The following LRRC49 variants were observed in gnomAD, a reference collection of about 807,000 sequenced individuals.
LRRC49 encodes the protein leucine-rich repeat-containing protein 49.
A neutral mutation model predicts 83.3 loss-of-function variants in LRRC49; 50 were observed. The ratio of observed to expected loss-of-function variants is 0.60; its 90% confidence interval spans 0.48 to 0.76. The LOEUF is 0.76. LRRC49 is among the 30% of genes least tolerant of loss of function. LRRC49 has a pLI of 0.00. For missense variants in LRRC49, 704 were observed against 809.1 expected, an observed-to-expected ratio of 0.87 and a Z score of 1.58; for synonymous variants, 286 against 283.3, an observed-to-expected ratio of 1.01 and a Z score of -0.10.
chr15:70,904,019 G>A (rs980191591), intron 4 of LRRC49, among the ~76,000 whole-genome samples: 1 of 151,990 alleles, frequency 6.6e-6, no homozygotes, highest in African/African-American at 2.4e-5. Flanking sequence ...TGGATCTCAG[G>A]TTGAATTTTT....
chr15:70,943,663 A>G (rs2035903091), intron 8 of LRRC49, among the ~76,000 whole-genome samples: 2 of 152,198 alleles, frequency 1.3e-5, no homozygotes, highest in Admixed American at 1.3e-4. Context: ...AACTGTTCCT[A>G]GAAGGTCATA....
chr15:70,882,326 T>C, intron 2 of LRRC49: 1 of 870,320 alleles, frequency 1.1e-6, no homozygotes, highest in South Asian at 1.9e-5. Context: ...GCCTTAGAGC[T>C]AAACAAATTA....
rs748357351 is a variant in LRRC49, at chr15:70,936,745, G to C, written c.712-16G>C. 3 of 1,566,096 alleles carry C rather than the reference G, an allele frequency of 1.9e-6. No individual in the cohort carries two copies. ...TTCTTTCATCTGATTAAGTTTTGCT[G>C]TCTATTTTCTTCCAGAGAGATGTGG... On this transcript the variant is annotated splice_polypyrimidine_tract_variant and intron_variant, in intron 7 of 15. Transcript: ENST00000260382.
chr15:70,926,529 T>G (rs2035205365), intron 7 of LRRC49, among the ~76,000 whole-genome samples: 1 of 152,162 alleles, frequency 6.6e-6, no homozygotes, highest in Admixed American at 6.5e-5. Context: ...TTTTTTATTT[T>G]TATTATACTT....
Position 70,996,128 on chromosome 15 carries a change from C to T in LRRC49, c.1169+11871C>T, listed in dbSNP as rs146486802. Among the ~76,000 whole-genome samples, 1,109 of 151,658 alleles carry T rather than the reference C, an allele frequency of 7.3e-3. 13 individuals carry two copies. The highest frequency in any genetic ancestry group is 0.026 in the African/African-American group (1,059 of 41,318). On this transcript the variant is annotated intron_variant, in intron 11 of 15. Transcript: ENST00000260382. ...CTTTTTTTAATGACCGGAAAACTAG[C>T]AAGTTGAGTAGCCACAGAAGATATT...
rs546274176 is a variant in LRRC49 at position 71,049,557 on chromosome 15, G to A, written c.2006G>A (p.Arg669His). 60 of 1,613,888 alleles carry A rather than the reference G, an allele frequency of 3.7e-5. No individual in the cohort carries two copies. Among genetic ancestry groups the A allele is most frequent in the Middle Eastern group, 3.3e-4 (2 of 6,060 alleles). Residue 669 changes from arginine (R) to histidine (H), a missense_variant, in exon 16 of 16, where the codon CGC (arginine) becomes CAC (histidine). This residue lies in a region of LRRC49 where 275 missense variants were observed against 338.0 expected (regional missense o/e 0.81). Coordinates refer to ENST00000260382, the MANE Select transcript of LRRC49 (RefSeq NM_017691.5). ...ELVRDAVIEI[R>H]NKNSYMKLCL... ...GTTAGGGATGCAGTCATAGAAATTC[G>A]CAATAAAAATTCCTATATGAAGCTC...
intron 15 of LRRC49, among the ~76,000 whole-genome samples, chr15:71,042,054 G>A (rs1354631234): frequency 6.6e-6 from 1 of 152,130 alleles, no homozygotes; most frequent in Non-Finnish European, 1.5e-5. Flanking sequence ...TTAATAAGAA[G>A]AGAAAATCTT....
intron 5 of LRRC49, among the ~76,000 whole-genome samples, chr15:70,909,879 A>ACACACACAC (rs765588937): frequency 0.013 from 1,019 of 76,934 alleles, 7 homozygotes; most frequent in Middle Eastern, 0.019. Context: ...CACACACACA[A>ACACACACAC]AACAAACAAA....
chr15:70,987,560 A>G (rs1361827315), intron 11 of LRRC49, among the ~76,000 whole-genome samples: 2 of 151,700 alleles, frequency 1.3e-5, no homozygotes, highest in Non-Finnish European at 1.5e-5. Context: ...CGGTCTATCA[A>G]TTTTGTTGAT....
At chr15:70,896,731 G>GT (rs1163614947) in intron 3 of LRRC49, among the ~76,000 whole-genome samples, 3 of 152,136 alleles carry the variant, frequency 2.0e-5, no homozygotes, top group African/African-American at 7.2e-5. Context: ...GGGCTGATCA[G>GT]TATAGGCCTT....
chr15:70,939,904 TTGTTAGTACATA>T (rs1345967584), intron 8 of LRRC49, among the ~76,000 whole-genome samples: 1 of 151,442 alleles, frequency 6.6e-6, no homozygotes, highest in Non-Finnish European at 1.5e-5. Context: ...CTAATGACCT[TTGTTAGTACATA>T]TGTTAGTACA....
At chr15:71,009,567 G>A (rs2038580464) in intron 12 of LRRC49, 1 of 349,600 alleles carries the variant, frequency 2.9e-6, no homozygotes, top group African/African-American at 2.1e-5. Flanking sequence ...AAGTGAGACT[G>A]TCATTTGTAG....
At chr15:70,866,640 CA>C (rs1161658411) in intron 1 of LRRC49, among the ~76,000 whole-genome samples, 1 of 152,116 alleles carries the variant, frequency 6.6e-6, no homozygotes, top group African/African-American at 2.4e-5. Flanking sequence ...TCTAAGTCCT[CA>C]GGGTCTTCAT....
At chr15:70,858,115 T>A (rs1205839850) in intron 1 of LRRC49, among the ~76,000 whole-genome samples, 1 of 152,212 alleles carries the variant, frequency 6.6e-6, no homozygotes, top group Non-Finnish European at 1.5e-5. Flanking sequence ...TTGCTGAGTA[T>A]GTATATTGCT....
At chr15:70,912,665 T>TTTTATTTA (rs563678548) in intron 6 of LRRC49, among the ~76,000 whole-genome samples, 27 of 151,476 alleles carry the variant, frequency 1.8e-4, no homozygotes, top group African/African-American at 6.0e-4. Context: ...TCTATATTTA[T>TTTTATTTA]TTTATTTATT....
chr15:70,954,202 C>T (rs2036318785), intron 8 of LRRC49, among the ~76,000 whole-genome samples: 1 of 152,166 alleles, frequency 6.6e-6, no homozygotes, highest in East Asian at 1.9e-4. Context: ...GCCAAGCTGC[C>T]AGATTCTTTT....
chr15:71,046,151 A>G (rs559986956), intron 15 of LRRC49, among the ~76,000 whole-genome samples: 39 of 152,304 alleles, frequency 2.6e-4, no homozygotes, highest in Admixed American at 2.2e-3. Flanking sequence ...TAGTGTAGCA[A>G]TGAACATATG....
intron 11 of LRRC49, among the ~76,000 whole-genome samples, chr15:70,993,435 C>G (rs1466008374): frequency 2.6e-5 from 4 of 152,178 alleles, no homozygotes; most frequent in Non-Finnish European, 4.4e-5. Context: ...CCCAGTACCT[C>G]AGTTGGAAAT....
At chr15:70,917,989 G>A (rs1313100091) in intron 6 of LRRC49, among the ~76,000 whole-genome samples, 1 of 152,244 alleles carries the variant, frequency 6.6e-6, no homozygotes. Flanking sequence ...AGCCAGGGCT[G>A]TGACTCCCTC....
Sources: allele counts gnomAD v4.1 joint callset (sites outside exome capture counted in the v4.1 genomes callset), GRCh38; gene constraint gnomAD v4.1.1; regional missense constraint gnomAD v4.1.1; transcripts MANE v1.5; gene names NCBI Gene and HGNC (gene_info 2026-07-23, HGNC 2026-07-21).